The following FMN2 variants were observed in gnomAD, a reference collection of about 807,000 sequenced individuals.
FMN2 encodes formin-2.
FMN2 carries 51 observed loss-of-function variants against 142.3 expected under a neutral mutation model. That is an observed-to-expected ratio of 0.36 (90% CI 0.29 to 0.45). The LOEUF is 0.45. Among genes scored for constraint, FMN2 ranks in the 20% least tolerant of loss-of-function variants. The pLI is 1.00. For missense variants in FMN2, 1,936 were observed against 2,122.8 expected (o/e 0.91, Z 1.73); for synonymous variants, 882 against 869.8 (o/e 1.01, Z -0.25).
chr1:240,295,223 C>T (rs1230527742), intron 8 of FMN2, among the ~76,000 whole-genome samples: 1 of 147,302 alleles, frequency 6.8e-6, no homozygotes, highest in Admixed American at 6.7e-5. Flanking sequence ...CACACACACA[C>T]ACTCACACAC....
At chr1:240,254,533 TA>T (rs879620487) in intron 6 of FMN2, among the ~76,000 whole-genome samples, 5 of 151,982 alleles carry the variant, frequency 3.3e-5, no homozygotes, top group Admixed American at 6.6e-5. Context: ...GTAAGTAGGA[TA>T]GGGGTGGACC....
At chr1:240,254,019 C>T (rs956682955) in intron 6 of FMN2, among the ~76,000 whole-genome samples, 6 of 152,018 alleles carry the variant, frequency 3.9e-5, no homozygotes, top group African/African-American at 1.4e-4. Context: ...CATGCCTGTC[C>T]TTTGGTCTTA....
intron 7 of FMN2, among the ~76,000 whole-genome samples, chr1:240,290,793 GT>G (rs761547443): frequency 2.1e-4 from 18 of 84,732 alleles, no homozygotes; most frequent in East Asian, 8.0e-4. Context: ...TTTTTTTTTT[GT>G]TTTTTTTTTT....
intron 6 of FMN2, among the ~76,000 whole-genome samples, chr1:240,239,439 G>A (rs1667818192): frequency 6.6e-6 from 1 of 152,200 alleles, no homozygotes; most frequent in East Asian, 1.9e-4. Context: ...CTGAAAATGA[G>A]CATCATAAAT....
chr1:240,366,602 C>T (rs189944919), intron 14 of FMN2, among the ~76,000 whole-genome samples: 4 of 150,798 alleles, frequency 2.7e-5, no homozygotes, highest in East Asian at 2.0e-4. Context: ...TACAATGGCA[C>T]GATCTCGGCT....
intron 16 of FMN2, among the ~76,000 whole-genome samples, chr1:240,467,114 A>G (rs1325167272): frequency 6.6e-6 from 1 of 152,084 alleles, no homozygotes; most frequent in Non-Finnish European, 1.5e-5. Flanking sequence ...AATAAGTACA[A>G]ACAAAACCGG....
chr1:240,107,669 A>G (rs1661663987), intron 1 of FMN2, among the ~76,000 whole-genome samples: 3 of 152,120 alleles, frequency 2.0e-5, no homozygotes, highest in Non-Finnish European at 4.4e-5. Flanking sequence ...CATTAGATTT[A>G]TTAGATTAAA....
intron 2 of FMN2, among the ~76,000 whole-genome samples, chr1:240,171,594 G>T (rs940448051): frequency 6.6e-6 from 1 of 152,128 alleles, no homozygotes; most frequent in African/African-American, 2.4e-5. Context: ...AAAAAATGTT[G>T]ATCTGAAATA....
At chr1:240,306,424 C>T (rs888505899) in intron 8 of FMN2, among the ~76,000 whole-genome samples, 1 of 152,168 alleles carries the variant, frequency 6.6e-6, no homozygotes, top group South Asian at 2.1e-4. Context: ...CCTTGTTCCT[C>T]TCCCTCCCTC....
intron 7 of FMN2, among the ~76,000 whole-genome samples, chr1:240,290,867 G>A (rs1572160182): frequency 7.4e-6 from 1 of 135,308 alleles, no homozygotes; most frequent in African/African-American, 2.9e-5. Context: ...CTTGGCTCAC[G>A]TAGATCTTGG....
chr1:240,138,381 T>C lies in FMN2; in HGVS notation c.1782+15036T>C, dbSNP rs375978649. 2.6e-5 allele frequency among the ~76,000 whole-genome samples: 4 copies of C among 152,098 alleles called. No individual in the cohort carries two copies. In the East Asian group the frequency reaches 5.8e-4, roughly 22 times the overall value. Reference sequence around the variant, plus strand: ...CCTCAACTATGAAGGAGTTAGGTAGTAGAAAATCCTTTTATTTTTAAAAAG... The same window carrying C: ...CCTCAACTATGAAGGAGTTAGGTAGCAGAAAATCCTTTTATTTTTAAAAAG... On this transcript the variant is annotated intron_variant, in intron 2 of 17. Coordinates refer to ENST00000319653, the MANE Select transcript of FMN2 (RefSeq NM_020066.5).
chr1:240,143,471 C>G lies in FMN2; in HGVS notation c.1782+20126C>G. ...ATGTCAGCAGGGGTTTCCTTTTTGTCCTTGTCCTTCTTTTCCTTCTTGCCT... is the reference window on the plus strand; with the variant it reads ...ATGTCAGCAGGGGTTTCCTTTTTGTGCTTGTCCTTCTTTTCCTTCTTGCCT... On this transcript the variant is annotated intron_variant, in intron 2 of 17. Transcript: ENST00000319653. The G allele has an allele frequency of 2.0e-6, 3 of 1,532,862 alleles. No individual in the cohort carries two copies. In the South Asian group the frequency reaches 3.4e-5, roughly 17 times the overall value. The allele number at this position is 1,532,862 out of a possible 1,614,324, so 95.0% of individuals were successfully genotyped here.
chr1:240,231,289 T>A (rs1667517177), intron 6 of FMN2, among the ~76,000 whole-genome samples: 1 of 132,720 alleles, frequency 7.5e-6, no homozygotes. Context: ...CAAAGCTTTT[T>A]CTTTTTAAAA....
chr1:240,240,261 T>C (rs1021747638), intron 6 of FMN2, among the ~76,000 whole-genome samples: 9 of 152,256 alleles, frequency 5.9e-5, no homozygotes, highest in African/African-American at 1.9e-4. Flanking sequence ...TGCCACTTTA[T>C]GGATATGTGA....
At chr1:240,221,332 C>T (rs1667103156) in intron 6 of FMN2, among the ~76,000 whole-genome samples, 2 of 152,136 alleles carry the variant, frequency 1.3e-5, no homozygotes, top group Admixed American at 1.3e-4. Context: ...ACACTCCCAC[C>T]AACAGTGTAA....
Position 240,177,961 on chromosome 1 carries a change from C to G in FMN2, c.1823C>G (p.Thr608Arg). 6.2e-7 allele frequency: 1 copy of G among 1,606,962 alleles called. No individual in the cohort carries two copies. Among genetic ancestry groups the G allele is most frequent in the Non-Finnish European group, 8.5e-7 (1 of 1,177,826 alleles). The change falls in exon 3 of 18, where the codon ACA (threonine) becomes AGA (arginine). Residue 608 changes from threonine to arginine, a missense_variant. By Grantham distance (71) the Thr-to-Arg change is moderately conservative. This residue lies in a region of FMN2 where 478 missense variants were observed against 462.8 expected (regional missense o/e 1.03). Transcript: ENST00000319653. Reference protein sequence around the residue: ...LYTWAAVSQPTHSLDYSEGQF... With the variant: ...LYTWAAVSQPRHSLDYSEGQF... The stretch of plus-strand genomic sequence containing the variant: ...ACCTGGGCTGCAGTTAGTCAACCCA[C>G]ACACTCATTGGACTATTCAGAAGGG...
intron 15 of FMN2, among the ~76,000 whole-genome samples, chr1:240,434,432 T>C (rs539206318): frequency 1.3e-5 from 2 of 152,314 alleles, no homozygotes; most frequent in Admixed American, 6.5e-5. Flanking sequence ...CACTGAGGGC[T>C]ACCTAATGCC....
chr1:240,248,203 GTCTT>G (rs1668145149), intron 6 of FMN2, among the ~76,000 whole-genome samples: 1 of 151,676 alleles, frequency 6.6e-6, no homozygotes. Flanking sequence ...TACAATACTT[GTCTT>G]TCTTTACCTG....
At chr1:240,116,615 G>T (rs1295050740) in intron 1 of FMN2, among the ~76,000 whole-genome samples, 1 of 152,180 alleles carries the variant, frequency 6.6e-6, no homozygotes, top group Admixed American at 6.5e-5. Flanking sequence ...TGTTGGCTGG[G>T]TGTGGTGGCT....
Sources: gnomAD v4.1 joint callset for allele counts (sites outside exome capture counted in the v4.1 genomes callset) on GRCh38, gnomAD v4.1.1 for gene constraint, gnomAD v4.1.1 regional missense constraint, MANE v1.5 for transcripts, NCBI Gene and HGNC (gene_info 2026-07-23, HGNC 2026-07-21) for gene names.